The following NCOA1 variants were observed in gnomAD, a reference collection of about 807,000 sequenced individuals.
The protein encoded by NCOA1 is Hin-2 protein.
NCOA1 carries 35 observed loss-of-function variants against 150.9 expected under a neutral mutation model. The observed-to-expected ratio is 0.23, with a 90% CI of 0.18 to 0.31. The LOEUF is 0.31. NCOA1 is among the 10% of genes least tolerant of loss of function. NCOA1 has a pLI of 1.00. For missense variants in NCOA1, 1,491 were observed against 1,749.3 expected (o/e 0.85, Z 2.63); for synonymous variants, 590 against 630.0 (o/e 0.94, Z 0.95).
intron 1 of NCOA1, among the ~76,000 whole-genome samples, chr2:24,559,250 A>C (rs760777330): frequency 1.3e-5 from 2 of 152,128 alleles, no homozygotes; most frequent in Non-Finnish European, 2.9e-5. Flanking sequence ...AGGCTGAATC[A>C]GTGTAATCAA....
At chr2:24,642,952 CAA>C (rs1670298108) in intron 3 of NCOA1, among the ~76,000 whole-genome samples, 1 of 151,950 alleles carries the variant, frequency 6.6e-6, no homozygotes, top group African/African-American at 2.4e-5. Flanking sequence ...TTGCAGTTGT[CAA>C]GAGTTAAGGA....
chr2:24,624,374 G>C (rs140379667), intron 3 of NCOA1, among the ~76,000 whole-genome samples: 2 of 152,124 alleles, frequency 1.3e-5, no homozygotes, highest in African/African-American at 2.4e-5. Context: ...TCTATTTTCT[G>C]TTCTTGATTC....
At chr2:24,642,354 C>G (rs542895332) in intron 3 of NCOA1, among the ~76,000 whole-genome samples, 1 of 149,466 alleles carries the variant, frequency 6.7e-6, no homozygotes, top group African/African-American at 2.4e-5. Flanking sequence ...AATCTTTAAA[C>G]ATATTTATAA....
intron 2 of NCOA1, among the ~76,000 whole-genome samples, chr2:24,574,074 A>G (rs1407773411): frequency 6.6e-6 from 1 of 152,058 alleles, no homozygotes; most frequent in Non-Finnish European, 1.5e-5. Flanking sequence ...TCTAAAAGCT[A>G]CTTCTTAGGG....
chr2:24,527,707 G>A (rs1664708842), intron 1 of NCOA1, among the ~76,000 whole-genome samples: 1 of 152,138 alleles, frequency 6.6e-6, no homozygotes, highest in Admixed American at 6.5e-5. Flanking sequence ...GAGTCATGTG[G>A]TAATTCCATT....
chr2:24,574,017 A>G (rs545189237), intron 2 of NCOA1, among the ~76,000 whole-genome samples: 10 of 152,108 alleles, frequency 6.6e-5, no homozygotes, highest in South Asian at 6.2e-4. Context: ...AATAAGATAA[A>G]AGCAGAAATA....
chr2:24,744,855 T>C (rs2083389), intron 19 of NCOA1, among the ~76,000 whole-genome samples: 32,406 of 152,158 alleles, frequency 0.21, 3,628 homozygotes, highest in Non-Finnish European at 0.25. Context: ...TAAAGAAACT[T>C]TATGGCCTAC....
intron 11 of NCOA1, among the ~76,000 whole-genome samples, chr2:24,700,179 ATAG>A (rs1553308408): frequency 6.7e-6 from 1 of 148,592 alleles, no homozygotes; most frequent in Admixed American, 6.7e-5. Context: ...AATAATAATA[ATAG>A]TAATAATGCT....
chr2:24,492,155 TGCTC>T (rs988885104), intron 1 of NCOA1: 2 of 152,140 alleles, frequency 1.3e-5, no homozygotes, highest in African/African-American at 4.8e-5. Flanking sequence ...CCGGCGCGCT[TGCTC>T]GCCCCTTCTC....
chr2:24,573,652 T>A lies in NCOA1; in HGVS notation c.-260+9222T>A, dbSNP rs566762607. Among the ~76,000 whole-genome samples the A allele has an allele frequency of 5.3e-5, 8 of 152,214 alleles. No homozygotes were observed. In the South Asian group the frequency reaches 1.7e-3, roughly 32 times the overall value. ...CCAGTCAATGCAACATTTTAAAAAA[T>A]CAATTTTAGATTAAACCACAAAGGA... On this transcript the variant is annotated intron_variant, in intron 2 of 22. Transcript: ENST00000348332.
intron 7 of NCOA1, among the ~76,000 whole-genome samples, chr2:24,674,496 G>A (rs1395721654): frequency 6.6e-6 from 1 of 152,154 alleles, no homozygotes; most frequent in South Asian, 2.1e-4. Context: ...GTGAGCCACT[G>A]CGCCCGGCCT....
chr2:24,654,363 G>GT (rs1572547365), intron 4 of NCOA1, among the ~76,000 whole-genome samples: 1 of 152,054 alleles, frequency 6.6e-6, no homozygotes, highest in African/African-American at 2.4e-5. Context: ...TTAATAAATT[G>GT]TTTTTTAAGA....
intron 10 of NCOA1, among the ~76,000 whole-genome samples, chr2:24,697,007 C>T (rs1315721249): frequency 6.6e-6 from 1 of 151,990 alleles, no homozygotes; most frequent in Admixed American, 6.6e-5. Flanking sequence ...GAATAACTTA[C>T]CTGAATTCTC....
chr2:24,733,439 A>G (rs2148649959), intron 17 of NCOA1, among the ~76,000 whole-genome samples: 1 of 152,374 alleles, frequency 6.6e-6, no homozygotes, highest in Non-Finnish European at 1.5e-5. Flanking sequence ...ACAACTATTT[A>G]TATAGAAAAT....
chr2:24,533,378 C>T (rs985844901), intron 1 of NCOA1, among the ~76,000 whole-genome samples: 2 of 152,186 alleles, frequency 1.3e-5, no homozygotes, highest in African/African-American at 4.8e-5. Flanking sequence ...AATATCCAAT[C>T]ATGTCATCTG....
intron 17 of NCOA1, among the ~76,000 whole-genome samples, chr2:24,738,922 A>G (rs943500558): frequency 3.9e-5 from 6 of 152,204 alleles, no homozygotes; most frequent in African/African-American, 1.4e-4. Flanking sequence ...TAATGAAATC[A>G]TACTGGATTT....
chr2:24,585,472 T>G (rs1413356943), intron 3 of NCOA1, among the ~76,000 whole-genome samples: 4 of 152,130 alleles, frequency 2.6e-5, no homozygotes, highest in African/African-American at 9.7e-5. Flanking sequence ...TTCATACATC[T>G]CAATGAATGC....
chr2:24,658,050 G>A (rs187995187), intron 4 of NCOA1, among the ~76,000 whole-genome samples: 1 of 152,266 alleles, frequency 6.6e-6, no homozygotes, highest in East Asian at 1.9e-4. Context: ...TGTTCTCTGG[G>A]ATCTATACCA....
At chr2:24,558,498 A>G (rs571339587) in intron 1 of NCOA1, among the ~76,000 whole-genome samples, 13 of 152,264 alleles carry the variant, frequency 8.5e-5, no homozygotes, top group Non-Finnish European at 5.9e-5. Context: ...GATAAAACCC[A>G]TCAGATCTCA....
Sources: gnomAD v4.1 joint callset for allele counts (sites outside exome capture counted in the v4.1 genomes callset) on GRCh38, gnomAD v4.1.1 for gene constraint, MANE v1.5 for transcripts, NCBI Gene and HGNC (gene_info 2026-07-23, HGNC 2026-07-21) for gene names.